MROH7: variants seen among roughly 807,000 people sequenced by gnomAD.
MROH7 encodes the protein maestro heat-like repeat-containing protein family member 7.
A neutral mutation model predicts 129.2 loss-of-function variants in MROH7; 113 were observed. The ratio of observed to expected loss-of-function variants is 0.87; its 90% CI spans 0.75 to 1.02. The LOEUF (loss-of-function observed/expected upper bound fraction) is 1.02. MROH7 is among the 50% of genes least tolerant of loss of function. The pLI is 0.00. For synonymous variants in MROH7, 655 were observed against 667.9 expected (o/e 0.98, Z 0.30); for missense variants, 1,601 against 1,671.3 (o/e 0.96, Z 0.73).
chr1:54,653,720 G>C lies in MROH7; in HGVS notation c.794G>C (p.Ser265Thr). 1 of 1,614,164 alleles carries C rather than the reference G, an allele frequency of 6.2e-7. No homozygotes were observed. The highest frequency in any genetic ancestry group is 1.1e-5 in the South Asian group (1 of 91,078). The change falls in exon 3 of 24, where the codon AGT becomes ACT. Residue 265 changes from serine (S) to threonine (T), a missense_variant. Ser to Thr is a moderately conservative substitution (Grantham distance 58, BLOSUM62 1). Transcript: ENST00000421030. ...GAGTCTGTTTCAAAAGGAGCCTTTA[G>C]TACCACCTGGAGCACAAGTTCAAAG... ...ISESVSKGAF[S>T]TTWSTSSKET...
intron 1 of MROH7, among the ~76,000 whole-genome samples, chr1:54,646,375 G>T (rs1048136313): frequency 6.6e-6 from 1 of 152,172 alleles, no homozygotes; most frequent in Admixed American, 6.5e-5. Flanking sequence ...TTCTACTTTT[G>T]AGTGTGTGTT....
In MROH7 at chr1:54,702,159, C is replaced by G; in HGVS notation, c.3355C>G (p.Arg1119Gly). 3 of 1,610,712 alleles carry G rather than the reference C, an allele frequency of 1.9e-6. No individual in the cohort carries two copies. Among genetic ancestry groups the G allele is most frequent in the African/African-American group, 2.7e-5 (2 of 74,838 alleles). ...GGTGGTCCAGAAGCTTCGGGCACCA[C>G]GCACTCAGGCCATGGAGGAGCAGCT... is the stretch of plus-strand genomic sequence containing the variant. ...GKVVQKLRAP[R>G]TQAMEEQLVS... Residue 1119 changes from arginine to glycine, a missense_variant, in exon 20 of 24, where the codon CGC becomes GGC. Physicochemically the swap from Arg to Gly is moderately radical, Grantham distance 125 (BLOSUM62 -2). Coordinates refer to ENST00000421030, the MANE Select transcript of MROH7 (RefSeq NM_001039464.4).
chr1:54,700,058 C>T (rs935595875), intron 17 of MROH7: 2 of 666,792 alleles, frequency 3.0e-6, no homozygotes, highest in Non-Finnish European at 5.6e-6. Flanking sequence ...GGGCACGCTG[C>T]TGTTAATGAG....
At chr1:54,658,054 A>G (rs1045518895) in intron 3 of MROH7, among the ~76,000 whole-genome samples, 7 of 152,112 alleles carry the variant, frequency 4.6e-5, no homozygotes, top group African/African-American at 1.7e-4. Flanking sequence ...ATAACTCTTC[A>G]TCTTATGAAC....
rs35151019 is a variant in MROH7, at chr1:54,647,904, C to CA, written c.-109-4022dup. Among the ~76,000 whole-genome samples the CA allele has an allele frequency of 5.3e-3, 456 of 86,716 alleles. 8 individuals are homozygous for CA. The highest frequency in any genetic ancestry group is 0.012 in the East Asian group (28 of 2,336). The allele number at this position is 86,716 out of a possible 152,430, so 56.9% of individuals were successfully genotyped here. A position where few individuals can be genotyped will look rare whatever the true frequency, so the allele number is the denominator to read the frequency against. On this transcript the variant is annotated intron_variant, in intron 1 of 23. Transcript: ENST00000421030. ...TGTGTGACAGAGTGAGACTCCATCT[C>CA]AAAAAAAAAAAAAAAAAAAAAAAGA...
At chr1:54,655,650 G>A (rs1644632470) in intron 3 of MROH7, among the ~76,000 whole-genome samples, 1 of 151,932 alleles carries the variant, frequency 6.6e-6, no homozygotes, top group Admixed American at 6.6e-5. Flanking sequence ...AGAGCTCTGG[G>A]ACTACTACAG....
chr1:54,673,025 G>A, intron 7 of MROH7, 66 bp from the exon 8 acceptor site: 1 of 1,217,468 alleles, frequency 8.2e-7, no homozygotes, highest in Non-Finnish European at 1.2e-6. Context: ...CCTACACCAG[G>A]GGCCGCCTGG....
intron 6 of MROH7, 80 bp downstream of exon 6, chr1:54,670,656 A>G: frequency 1.4e-6 from 2 of 1,394,492 alleles, no homozygotes; most frequent in East Asian, 2.5e-5. Flanking sequence ...TCTTCGCTGT[A>G]CCCTCCCCCA....
rs183354144 is a variant in MROH7, at chr1:54,660,934, T to A, written c.1232-4233T>A. 5.5e-3 allele frequency among the ~76,000 whole-genome samples: 838 copies of A among 152,266 alleles called. 1 individual carries two copies. The highest frequency in any genetic ancestry group is 6.2e-3 in the Non-Finnish European group (424 of 68,008). On this transcript the variant is annotated intron_variant, in intron 3 of 23. Coordinates refer to ENST00000421030, the MANE Select transcript of MROH7 (RefSeq NM_001039464.4). Reference sequence around the variant, plus strand: ...ATTTGCATATCTTGATAACTACTGATGTTAAGCATCTTTTTACATGATTAT... The same window carrying A: ...ATTTGCATATCTTGATAACTACTGAAGTTAAGCATCTTTTTACATGATTAT...
intron 1 of MROH7, among the ~76,000 whole-genome samples, chr1:54,650,941 TCTCAAACTCCTGGA>T (rs1360251824): frequency 1.3e-5 from 2 of 152,078 alleles, no homozygotes; most frequent in African/African-American, 2.4e-5. Flanking sequence ...TCCAGGCTGG[TCTCAAACTCCTGGA>T]CTCAAACAAT....
At chr1:54,700,843 A>AC (rs1645423565) in intron 18 of MROH7, among the ~76,000 whole-genome samples, 1 of 152,218 alleles carries the variant, frequency 6.6e-6, no homozygotes, top group Non-Finnish European at 1.5e-5. Context: ...CTATGAAAGG[A>AC]CAGGACATAG....
intron 7 of MROH7, 31 bp from the exon 8 acceptor site, chr1:54,673,060 C>A: frequency 6.4e-7 from 1 of 1,559,858 alleles, no homozygotes; most frequent in Non-Finnish European, 8.8e-7. Flanking sequence ...CCAGAGGTGC[C>A]TTAGTGGCTT....
chr1:54,670,294 C>T (rs1303281896), intron 5 of MROH7, among the ~76,000 whole-genome samples: 1 of 152,160 alleles, frequency 6.6e-6, no homozygotes, highest in African/African-American at 2.4e-5. Context: ...CATAGCAAGA[C>T]TCTGCCTCTA....
intron 10 of MROH7, among the ~76,000 whole-genome samples, chr1:54,675,414 G>A (rs1466730576): frequency 6.6e-6 from 1 of 152,052 alleles, no homozygotes; most frequent in Non-Finnish European, 1.5e-5. Flanking sequence ...GGATTTATCT[G>A]GTATCCTCAC....
intron 20 of MROH7, 119 bp downstream of exon 20, chr1:54,702,364 C>A: frequency 2.1e-6 from 2 of 974,310 alleles, no homozygotes; most frequent in Non-Finnish European, 2.8e-6. Flanking sequence ...GTATGTCCAG[C>A]CATGTCTGTT....
At chr1:54,702,797 C>A in intron 21 of MROH7, 52 bp downstream of exon 21, 1 of 1,547,786 alleles carries the variant, frequency 6.5e-7, no homozygotes, top group Non-Finnish European at 8.7e-7. Context: ...TTGGAGGTGG[C>A]GAATTCTGTG....
intron 4 of MROH7, 21 bp downstream of exon 4, chr1:54,665,261 C>G: frequency 1.2e-6 from 2 of 1,604,056 alleles, no homozygotes; most frequent in Non-Finnish European, 1.7e-6. Context: ...TGCCCAACCC[C>G]TAGCTGACTG....
chr1:54,706,297 T>G, intron 21 of MROH7, 138 bp from the exon 22 acceptor site: 1 of 669,190 alleles, frequency 1.5e-6, no homozygotes, highest in South Asian at 1.8e-5. Context: ...AGCCCTGGCC[T>G]GTGGGGGACT....
At chr1:54,678,004 G>A (rs1157560730) in intron 10 of MROH7, among the ~76,000 whole-genome samples, 3 of 152,152 alleles carry the variant, frequency 2.0e-5, no homozygotes, top group African/African-American at 2.4e-5. Context: ...GTTTAAAAGA[G>A]GTATTGCCAC....
Sources: allele counts gnomAD v4.1 joint callset (sites outside exome capture counted in the v4.1 genomes callset), GRCh38; gene constraint gnomAD v4.1.1; transcripts MANE v1.5; gene names NCBI Gene and HGNC (gene_info 2026-07-23, HGNC 2026-07-21).